The following FOLH1 variants were observed in gnomAD, a reference collection of about 807,000 sequenced individuals.
FOLH1 encodes the protein glutamate carboxypeptidase 2.
A neutral mutation model predicts 93.9 loss-of-function variants in FOLH1; 54 were observed. That is an observed-to-expected ratio of 0.57 (90% CI 0.46 to 0.72). The LOEUF is 0.72. Among genes scored for constraint, FOLH1 ranks in the 30% least tolerant of loss-of-function variants. FOLH1 has a pLI of 0.00. For missense variants in FOLH1, 571 were observed against 892.5 expected, an observed-to-expected ratio of 0.64 and a Z score of 4.59; for synonymous variants, 249 against 303.6, an observed-to-expected ratio of 0.82 and a Z score of 1.87.
chr11:49,194,132 C>CAAAAAAA (rs55656827), intron 3 of FOLH1, among the ~76,000 whole-genome samples: 160 of 71,234 alleles, frequency 2.2e-3, no homozygotes, highest in South Asian at 3.3e-3. Flanking sequence ...GCCTGGGTGA[C>CAAAAAAA]AAAAAAAAAA....
chr11:49,193,676 T>C (rs1318219684), intron 3 of FOLH1, among the ~76,000 whole-genome samples: 1 of 151,028 alleles, frequency 6.6e-6, no homozygotes, highest in African/African-American at 2.4e-5. Flanking sequence ...GGAAAAAAAA[T>C]AGTAAGGAAT....
intron 13 of FOLH1, among the ~76,000 whole-genome samples, chr11:49,161,749 C>T (rs1020749650): frequency 4.6e-5 from 7 of 152,066 alleles, no homozygotes; most frequent in Non-Finnish European, 1.0e-4. Flanking sequence ...GTGTTTTTGT[C>T]GTGGATGGTG....
intron 17 of FOLH1, among the ~76,000 whole-genome samples, 194 bp downstream of exon 17, chr11:49,153,652 C>T (rs929559428): frequency 3.9e-5 from 6 of 152,008 alleles, no homozygotes; most frequent in Admixed American, 2.0e-4. Flanking sequence ...CAGCAGGAAA[C>T]GACACTTGTA....
intron 18 of FOLH1, among the ~76,000 whole-genome samples, chr11:49,147,197 C>A (rs1177126982): frequency 6.6e-6 from 1 of 152,076 alleles, no homozygotes; most frequent in East Asian, 1.9e-4. Flanking sequence ...ATAGTAACCA[C>A]AGCAATCATT....
intron 7 of FOLH1, 32 bp from the exon 8 acceptor site, chr11:49,175,989 A>C (rs760087129): frequency 8.1e-6 from 13 of 1,598,184 alleles, no homozygotes; most frequent in Non-Finnish European, 1.1e-5. Context: ...TATTAGCCAC[A>C]AAAAAACCTT....
chr11:49,154,599 G>A (rs1213330750), intron 15 of FOLH1, 107 bp from the exon 16 acceptor site: 1 of 1,496,550 alleles, frequency 6.7e-7, no homozygotes, highest in African/African-American at 1.4e-5. Flanking sequence ...ATGGATCAAG[G>A]AAAGTACTTA....
chr11:49,148,072 G>C (rs1855989490), intron 18 of FOLH1, among the ~76,000 whole-genome samples: 1 of 152,030 alleles, frequency 6.6e-6, no homozygotes, highest in Admixed American at 6.6e-5. Context: ...ATTTCTGGCT[G>C]TCCAATGATC....
chr11:49,200,554 A>C, intron 2 of FOLH1, 113 bp from the exon 3 acceptor site: 2 of 1,130,984 alleles, frequency 1.8e-6, no homozygotes, highest in Admixed American at 5.4e-5. Flanking sequence ...GATACGTTAA[A>C]AAATTAAAGT....
intron 6 of FOLH1, among the ~76,000 whole-genome samples, chr11:49,185,139 T>A (rs1273195437): frequency 6.6e-6 from 1 of 152,180 alleles, no homozygotes; most frequent in Non-Finnish European, 1.5e-5. Flanking sequence ...AAATTGGCCA[T>A]TTAAAAAGTT....
At position 49,145,855 on chromosome 11, in the gene FOLH1, A is replaced by C. The variant is rs1245545188; in HGVS notation, c.*901T>G. Among the ~76,000 whole-genome samples, 1 of 152,140 alleles carries C rather than the reference A, an allele frequency of 6.6e-6. No homozygotes were observed. Among genetic ancestry groups the C allele is most frequent in the African/African-American group, 2.4e-5 (1 of 41,438 alleles). On this transcript the variant is annotated 3_prime_UTR_variant, in exon 19 of 19. Coordinates refer to ENST00000256999, the MANE Select transcript of FOLH1 (RefSeq NM_004476.3). ...TCTGTCTTGATGGACCCTGAATCCT[A>C]CCCTCATGTGAATGAATGCTCTATA...
intron 13 of FOLH1, among the ~76,000 whole-genome samples, chr11:49,159,937 T>C (rs1857501710): frequency 6.6e-6 from 1 of 151,996 alleles, no homozygotes; most frequent in African/African-American, 2.4e-5. Context: ...TTTTGTTTTG[T>C]TTTTTGATGA....
At chr11:49,167,083 G>T (rs753650538) in intron 12 of FOLH1, among the ~76,000 whole-genome samples, 1 of 151,408 alleles carries the variant, frequency 6.6e-6, no homozygotes. Flanking sequence ...TAAAGAGAAC[G>T]TTATTCTATG....
intron 7 of FOLH1, among the ~76,000 whole-genome samples, chr11:49,178,332 G>T (rs980030676): frequency 6.6e-6 from 1 of 152,186 alleles, no homozygotes; most frequent in Admixed American, 6.5e-5. Context: ...AATAACATCA[G>T]TTGCTTTGGG....
At chr11:49,176,100 A>T (rs865833331) in intron 7 of FOLH1, 143 bp from the exon 8 acceptor site, 1 of 777,768 alleles carries the variant, frequency 1.3e-6, no homozygotes, top group South Asian at 1.7e-5. Flanking sequence ...CGTCATTTAA[A>T]CCTTACCATA....
chr11:49,153,893 T>C lies in FOLH1; in HGVS notation c.1923A>G (p.Glu641=), dbSNP rs1339018978. Residue 641 remains glutamate (E), a synonymous_variant, in exon 17 of 19, where the codon GAA becomes GAG. Coordinates refer to ENST00000256999, the MANE Select transcript of FOLH1 (RefSeq NM_004476.3). ...SLFSAVKNFT[E]IASKFSERLQ... ...GTCTCTCACTGAACTTGGAAGCAAT[T>C]TCTGTAAAATTCTTTACTGCAGAAA... The C allele has an allele frequency of 6.2e-7, 1 of 1,605,204 alleles. No homozygotes were observed. The highest frequency in any genetic ancestry group is 8.5e-7 in the Non-Finnish European group (1 of 1,176,500).
intron 4 of FOLH1, among the ~76,000 whole-genome samples, chr11:49,191,764 C>A (rs1245183994): frequency 6.6e-6 from 1 of 152,220 alleles, no homozygotes; most frequent in Non-Finnish European, 1.5e-5. Context: ...GTGGCACAAT[C>A]TCAGCTCACT....
rs956526749 is a variant in FOLH1, at chr11:49,146,224, C to T, written c.*532G>A. ...CTATACATATATTTTATACTATAGC[C>T]TTTTATATAAATAAAAAATAATTAT... is the stretch of plus-strand genomic sequence containing the variant. On this transcript the variant is annotated 3_prime_UTR_variant, in exon 19 of 19. Transcript: ENST00000256999. 3.9e-5 allele frequency among the ~76,000 whole-genome samples: 6 copies of T among 152,216 alleles called. No individual in the cohort carries two copies. Among genetic ancestry groups the T allele is most frequent in the Admixed American group, 2.0e-4 (3 of 15,278 alleles).
intron 13 of FOLH1, among the ~76,000 whole-genome samples, chr11:49,163,659 T>G (rs928511002): frequency 6.6e-6 from 1 of 151,798 alleles, no homozygotes; most frequent in Non-Finnish European, 1.5e-5. Flanking sequence ...AGCCTCTTTT[T>G]TATGGGTATG....
At chr11:49,195,485 G>C (rs549237184) in intron 3 of FOLH1, among the ~76,000 whole-genome samples, 1 of 151,990 alleles carries the variant, frequency 6.6e-6, no homozygotes, top group Non-Finnish European at 1.5e-5. Flanking sequence ...ATGTCAATAA[G>C]TTAAGCATTC....
Sources: allele counts gnomAD v4.1 joint callset (sites outside exome capture counted in the v4.1 genomes callset), GRCh38; gene constraint gnomAD v4.1.1; transcripts MANE v1.5; gene names NCBI Gene and HGNC (gene_info 2026-07-23, HGNC 2026-07-21).